NCEH1: variants seen among roughly 807,000 people sequenced by gnomAD.
NCEH1 encodes the protein 2-acetyl MAGE hydrolase.
In NCEH1, 9 loss-of-function variants were observed where a neutral mutation model predicts 25.4. The observed-to-expected ratio is 0.35, with a 90% CI of 0.21 to 0.62. The LOEUF is 0.62. NCEH1 is among the 20% of genes least tolerant of loss of function. The pLI, the probability that NCEH1 is intolerant of heterozygous loss-of-function variation, is 0.72. For synonymous variants in NCEH1, 200 were observed against 199.8 expected (o/e 1.00, Z -0.01); for missense variants, 412 against 501.1 (o/e 0.82, Z 1.70).
At chr3:172,661,696 T>C (rs1185243089) in intron 1 of NCEH1, among the ~76,000 whole-genome samples, 4 of 150,068 alleles carry the variant, frequency 2.7e-5, no homozygotes, top group African/African-American at 7.4e-5. Context: ...ACATCCCTTG[T>C]AAGTTGGATT....
chr3:172,667,488 A>C (rs1353585268), intron 1 of NCEH1, among the ~76,000 whole-genome samples: 1 of 152,206 alleles, frequency 6.6e-6, no homozygotes. Context: ...GGATGACCTA[A>C]GGTTGCGCAG....
chr3:172,639,212 C>T (rs964943335), intron 3 of NCEH1, among the ~76,000 whole-genome samples: 4 of 150,708 alleles, frequency 2.7e-5, no homozygotes, highest in Non-Finnish European at 5.9e-5. Flanking sequence ...GCAGGAGAAT[C>T]GCTTGAACCA....
intron 1 of NCEH1, among the ~76,000 whole-genome samples, chr3:172,658,024 A>G (rs1577064914): frequency 6.6e-6 from 1 of 152,306 alleles, no homozygotes; most frequent in East Asian, 1.9e-4. Flanking sequence ...GCATTCTCAG[A>G]TGGTTAAGGC....
chr3:172,689,584 C>A (rs1712907271), intron 1 of NCEH1, among the ~76,000 whole-genome samples: 1 of 130,496 alleles, frequency 7.7e-6, no homozygotes, highest in African/African-American at 2.9e-5. Context: ...ATGGCACGAG[C>A]CTGTAATCCC....
intron 3 of NCEH1, among the ~76,000 whole-genome samples, chr3:172,641,717 C>T (rs1716862071): frequency 6.6e-6 from 1 of 152,150 alleles, no homozygotes; most frequent in African/African-American, 2.4e-5. Flanking sequence ...CTCCGTCTGT[C>T]TTCTCTCACA....
intron 1 of NCEH1, among the ~76,000 whole-genome samples, chr3:172,649,602 G>A (rs1007232711): frequency 6.6e-6 from 1 of 152,142 alleles, no homozygotes; most frequent in Admixed American, 6.5e-5. Context: ...TAAGTTCTTT[G>A]GTAAATTGGA....
At chr3:172,643,839 GC>G (rs1241322416) in intron 3 of NCEH1, among the ~76,000 whole-genome samples, 2 of 152,136 alleles carry the variant, frequency 1.3e-5, no homozygotes, top group Non-Finnish European at 2.9e-5. Flanking sequence ...CAACTGAATG[GC>G]CCCTGAAGCT....
At chr3:172,699,551 G>A (rs972891835) in intron 1 of NCEH1, among the ~76,000 whole-genome samples, 2 of 152,168 alleles carry the variant, frequency 1.3e-5, no homozygotes, top group African/African-American at 4.8e-5. Context: ...AGGTTTGACT[G>A]AGAATCACTC....
At chr3:172,693,081 A>G (rs1186932674) in intron 1 of NCEH1, among the ~76,000 whole-genome samples, 2 of 152,208 alleles carry the variant, frequency 1.3e-5, no homozygotes. Context: ...CCCACTTTGT[A>G]CCACAAACTG....
chr3:172,677,484 A>T (rs1364315401), intron 1 of NCEH1, among the ~76,000 whole-genome samples: 2 of 152,274 alleles, frequency 1.3e-5, no homozygotes, highest in South Asian at 2.1e-4. Flanking sequence ...ATGGACCTTT[A>T]CAGTTTATGA....
intron 1 of NCEH1, among the ~76,000 whole-genome samples, chr3:172,668,850 A>G (rs1718352867): frequency 6.6e-6 from 1 of 152,038 alleles, no homozygotes; most frequent in South Asian, 2.1e-4. Flanking sequence ...AGCGTGAGCA[A>G]GCTAAATATA....
At chr3:172,709,821 G>C (rs988883325) in intron 1 of NCEH1, among the ~76,000 whole-genome samples, 1 of 152,170 alleles carries the variant, frequency 6.6e-6, no homozygotes, top group Non-Finnish European at 1.5e-5. Flanking sequence ...CTGAAAGAAA[G>C]AGTTTATAAA....
chr3:172,669,891 A>T (rs552530038), intron 1 of NCEH1, among the ~76,000 whole-genome samples: 1 of 152,362 alleles, frequency 6.6e-6, no homozygotes, highest in Admixed American at 6.5e-5. Context: ...AAATAATATC[A>T]TCCATAATAT....
intron 1 of NCEH1, among the ~76,000 whole-genome samples, chr3:172,661,389 G>C (rs941379949): frequency 6.6e-6 from 1 of 152,214 alleles, no homozygotes; most frequent in Admixed American, 6.5e-5. Context: ...TTATAGTATA[G>C]TTTGAAGTCA....
At chr3:172,659,384 A>C (rs1717862797) in intron 1 of NCEH1, among the ~76,000 whole-genome samples, 1 of 152,220 alleles carries the variant, frequency 6.6e-6, no homozygotes, top group South Asian at 2.1e-4. Context: ...TCATCTGTGC[A>C]CAGGACTGCT....
At chr3:172,636,117 G>A in intron 3 of NCEH1, 30 bp from the exon 4 acceptor site, 1 of 1,547,716 alleles carries the variant, frequency 6.5e-7, no homozygotes, top group Non-Finnish European at 8.8e-7. Flanking sequence ...ATTCATTTAA[G>A]GCCTTCTCCA....
At chr3:172,678,318 C>A (rs1247224341) in intron 1 of NCEH1, among the ~76,000 whole-genome samples, 3 of 152,154 alleles carry the variant, frequency 2.0e-5, no homozygotes, top group Non-Finnish European at 4.4e-5. Flanking sequence ...CAGCTCAGTC[C>A]CTCCTTGGCC....
chr3:172,648,264 G>C (rs1717220060), intron 1 of NCEH1, 150 bp from the exon 2 acceptor site: 4 of 877,076 alleles, frequency 4.6e-6, no homozygotes, highest in African/African-American at 3.4e-5. Context: ...AAAACCAATT[G>C]TATTTACCTT....
intron 1 of NCEH1, among the ~76,000 whole-genome samples, chr3:172,657,126 C>T (rs142985923): frequency 2.0e-5 from 3 of 152,138 alleles, no homozygotes; most frequent in African/African-American, 4.8e-5. Flanking sequence ...TTATTTCATT[C>T]GACTTCACAA....
Sources: gnomAD v4.1 joint callset for allele counts (sites outside exome capture counted in the v4.1 genomes callset) on GRCh38, gnomAD v4.1.1 for gene constraint, MANE v1.5 for transcripts, NCBI Gene and HGNC (gene_info 2026-07-23, HGNC 2026-07-21) for gene names.